The following MBIP variants were observed in gnomAD, a reference collection of about 807,000 sequenced individuals.
MBIP encodes MAP3K12 binding inhibitory protein 1.
A neutral mutation model predicts 45.7 loss-of-function variants in MBIP; 32 were observed. The ratio of observed to expected loss-of-function variants is 0.70; its 90% CI spans 0.53 to 0.94. MBIP has a LOEUF of 0.94. Among genes scored for constraint, MBIP ranks in the 40% least tolerant of loss-of-function variants. The probability of loss-of-function intolerance (pLI) is 0.00; values close to 1 mark genes in which losing one functional copy is unlikely to be tolerated. For synonymous variants in MBIP, 145 were observed against 141.0 expected (o/e 1.03, Z -0.20); for missense variants, 381 against 405.5 (o/e 0.94, Z 0.52).
rs138198154 is a variant in MBIP, at chr14:36,320,574, C to G, written c.15G>C (p.Thr5=). Reference sequence around the variant, plus strand: ...CACCGCTGCTCGGGCGATTAAGCTCCGTGGCAGCAGCCATGATATCTTCTC... The same window carrying G: ...CACCGCTGCTCGGGCGATTAAGCTCGGTGGCAGCAGCCATGATATCTTCTC... MAAA[T]ELNRPSSGDR... is the part of the protein sequence containing the mutation. The change falls in exon 1 of 9, where the codon ACG becomes ACC. Residue 5 remains threonine, a synonymous_variant. Coordinates refer to ENST00000416007, the MANE Select transcript of MBIP (RefSeq NM_016586.3). The G allele has an allele frequency of 1.9e-6, 3 of 1,610,230 alleles. No individual in the cohort carries two copies. Among genetic ancestry groups the G allele is most frequent in the African/African-American group, 1.3e-5 (1 of 74,970 alleles).
At chr14:36,305,427 GATAT>G (rs1879807955) in intron 7 of MBIP, 1 of 151,884 alleles carries the variant, frequency 6.6e-6, no homozygotes, top group Non-Finnish European at 1.5e-5. Context: ...TCTTCTAAAA[GATAT>G]ATAGTTTTTT....
Position 36,320,566 on chromosome 14 carries a change from T to C in MBIP, c.23A>G (p.Asn8Ser), listed in dbSNP as rs141266433. 5.6e-6 allele frequency: 9 copies of C among 1,612,674 alleles called. No individual in the cohort carries two copies. Among genetic ancestry groups the C allele is most frequent in the Non-Finnish European group, 7.6e-6 (9 of 1,179,338 alleles). Residue 8 changes from asparagine (N) to serine (S), a missense_variant, in exon 1 of 9, where the codon AAT becomes AGT. Asn to Ser is a conservative substitution (Grantham distance 46). Coordinates refer to ENST00000416007, the MANE Select transcript of MBIP (RefSeq NM_016586.3). Reference sequence around the variant, plus strand: ...GTTCCTGTCACCGCTGCTCGGGCGATTAAGCTCCGTGGCAGCAGCCATGAT... The same window carrying C: ...GTTCCTGTCACCGCTGCTCGGGCGACTAAGCTCCGTGGCAGCAGCCATGAT... MAAATELNRPSSGDRNLE... is the reference protein window; with the variant it reads MAAATELSRPSSGDRNLE...
rs768130342 is a variant in MBIP at position 36,316,805 on chromosome 14, A to G, written c.137T>C (p.Leu46Pro). ...TGTAATTTTCACCACATCATCTCTG[A>G]GGTCAAGCTTCAAAGGGGCAAACCA... is the stretch of plus-strand genomic sequence containing the variant. ...SLHTLVGQLD[L>P]RDDVVKITID... The change falls in exon 2 of 9, where the codon CTC becomes CCC. Residue 46 changes from leucine to proline, a missense_variant. Transcript: ENST00000416007. The G allele has an allele frequency of 5.6e-6, 9 of 1,608,142 alleles. No individual in the cohort carries two copies. The highest frequency in any genetic ancestry group is 7.6e-6 in the Non-Finnish European group (9 of 1,177,876).
In MBIP at chr14:36,320,516, G is replaced by C. The variant is rs1157207159; in HGVS notation, c.73C>G (p.Leu25Val). ...RNLERRCRPN[L>V]SREVLYEIFR... is the part of the protein sequence containing the mutation. ...ATTTCGTAGAGCACCTCTCGGGAGA[G>C]GTTGGGTCTGCATCTTCGCTCCAGG... The change falls in exon 1 of 9, where the codon CTC becomes GTC. Residue 25 changes from leucine to valine, a missense_variant. Transcript: ENST00000416007. 3.7e-6 allele frequency: 6 copies of C among 1,613,996 alleles called. No homozygotes were observed. Among genetic ancestry groups the C allele is most frequent in the Non-Finnish European group, 5.1e-6 (6 of 1,179,980 alleles).
chr14:36,309,267 CCTTA>C (rs530261399), intron 6 of MBIP, among the ~76,000 whole-genome samples: 55 of 152,194 alleles, frequency 3.6e-4, no homozygotes, highest in Non-Finnish European at 6.6e-4. Context: ...ATCCTCCTTA[CCTTA>C]ATTTTCTCCA....
intron 6 of MBIP, among the ~76,000 whole-genome samples, chr14:36,310,614 C>T (rs562685389): frequency 1.2e-4 from 18 of 152,314 alleles, no homozygotes; most frequent in Non-Finnish European, 2.4e-4. Context: ...TGCACTCTCA[C>T]GGACTATCTA....
chr14:36,300,638 G>C, intron 8 of MBIP, 147 bp downstream of exon 8: 2 of 517,812 alleles, frequency 3.9e-6, no homozygotes, highest in Non-Finnish European at 6.9e-6. Flanking sequence ...CTATTCAACT[G>C]TATTAGTTTA....
intron 7 of MBIP, 144 bp downstream of exon 7, chr14:36,307,948 T>C (rs1159372866): frequency 2.3e-6 from 1 of 438,870 alleles, no homozygotes; most frequent in East Asian, 3.5e-5. Flanking sequence ...GAATTAGATA[T>C]ATCCCCTATA....
At chr14:36,319,885 C>T (rs1237286589) in intron 1 of MBIP, 4 of 169,624 alleles carry the variant, frequency 2.4e-5, no homozygotes, top group Non-Finnish European at 3.8e-5. Context: ...ACAGTTCTAA[C>T]GCCAACAGCA....
chr14:36,319,520 C>T (rs1880762428), intron 1 of MBIP: 2 of 391,310 alleles, frequency 5.1e-6, no homozygotes, highest in Non-Finnish European at 1.0e-5. Context: ...GATTCTCCAT[C>T]TACTCAAGGC....
chr14:36,315,025 T>C, intron 2 of MBIP, 110 bp from the exon 3 acceptor site: 1 of 674,958 alleles, frequency 1.5e-6, no homozygotes, highest in Non-Finnish European at 2.5e-6. Context: ...TTAATATCAG[T>C]TAATAAATAT....
chr14:36,299,239 TA>T, intron 8 of MBIP, 49 bp from the exon 9 acceptor site: 1 of 1,247,102 alleles, frequency 8.0e-7, no homozygotes, highest in Non-Finnish European at 1.2e-6. Context: ...TGAAGTATCT[TA>T]ATGCAGATAA....
In MBIP at chr14:36,311,981, G is replaced by A. The variant is rs778662489; in HGVS notation, c.615C>T (p.Pro205=). The stretch of plus-strand genomic sequence containing the variant: ...TACCTTTTACGTGACTTTTAAATCC[G>A]GGGTAAGGGGTAAAAATCGCATCAG... The part of the protein sequence containing the change: ...ARTDAIFTPY[P]GFKSHVKVSR... Residue 205 remains proline (P), a synonymous_variant, in exon 5 of 9, where the codon CCC becomes CCT. Coordinates refer to ENST00000416007, the MANE Select transcript of MBIP (RefSeq NM_016586.3). 99 of 1,594,784 alleles carry A rather than the reference G, an allele frequency of 6.2e-5. No individual in the cohort carries two copies. The highest frequency in any genetic ancestry group is 1.7e-4 in the Middle Eastern group (1 of 6,018).
Position 36,306,764 on chromosome 14 carries a change from G to A in MBIP, c.888+1328C>T, listed in dbSNP as rs114804905. Among the ~76,000 whole-genome samples, 198 of 152,274 alleles carry A rather than the reference G, an allele frequency of 1.3e-3. 1 individual carries two copies. Among genetic ancestry groups the A allele is most frequent in the African/African-American group, 4.3e-3 (178 of 41,576 alleles). On this transcript the variant is annotated intron_variant, in intron 7 of 8. Transcript: ENST00000416007. ...CTAGGTTATTGCCTTCTTTAATGAA[G>A]GCAGTTAGAATGGGAAAAACTTATG...
At chr14:36,300,538 G>A (rs1194910625) in intron 8 of MBIP, among the ~76,000 whole-genome samples, 1 of 152,146 alleles carries the variant, frequency 6.6e-6, no homozygotes, top group Non-Finnish European at 1.5e-5. Context: ...AGCACTTTGT[G>A]AATGACACAT....
At chr14:36,299,231 A>C in intron 8 of MBIP, 41 bp from the exon 9 acceptor site, 2 of 1,325,032 alleles carry the variant, frequency 1.5e-6, no homozygotes, top group Non-Finnish European at 2.2e-6. Flanking sequence ...TAAGATTCTG[A>C]AGTATCTTAA....
chr14:36,319,569 T>A (rs1184670406), intron 1 of MBIP: 2 of 443,998 alleles, frequency 4.5e-6, no homozygotes, highest in Non-Finnish European at 9.0e-6. Flanking sequence ...AATGTTCTAT[T>A]TTCATAGGAA....
chr14:36,299,859 T>A (rs534048528), intron 8 of MBIP, among the ~76,000 whole-genome samples: 1 of 152,294 alleles, frequency 6.6e-6, no homozygotes, highest in East Asian at 1.9e-4. Flanking sequence ...CTCACTTATA[T>A]ATTAATATTT....
intron 4 of MBIP, among the ~76,000 whole-genome samples, chr14:36,312,937 T>C (rs1160624603): frequency 6.6e-6 from 1 of 152,028 alleles, no homozygotes; most frequent in Non-Finnish European, 1.5e-5. Flanking sequence ...TTCCCCCCTA[T>C]GAAATTTGAT....
Sources: gnomAD v4.1 joint callset for allele counts (sites outside exome capture counted in the v4.1 genomes callset) on GRCh38, gnomAD v4.1.1 for gene constraint, MANE v1.5 for transcripts, NCBI Gene and HGNC (gene_info 2026-07-23, HGNC 2026-07-21) for gene names.